Variants in DNAH11 observed in about 807,000 individuals in gnomAD.
The protein encoded by DNAH11 is dynein axonemal heavy chain 11.
DNAH11 carries 442 observed loss-of-function variants against 526.0 expected under a neutral mutation model. The observed-to-expected ratio is 0.84, with a 90% CI of 0.78 to 0.91. The LOEUF is 0.91. Ranked by LOEUF, DNAH11 falls within the 40% of genes least tolerant of loss-of-function variation. The pLI is 0.00. For missense variants in DNAH11, 6,989 were observed against 5,448.7 expected, an observed-to-expected ratio of 1.28 and a Z score of -8.90; for synonymous variants, 2,461 against 1,935.9, an observed-to-expected ratio of 1.27 and a Z score of -7.12.
chr7:21,550,788 C>T (rs931621305), intron 2 of DNAH11, among the ~76,000 whole-genome samples: 2 of 152,098 alleles, frequency 1.3e-5, no homozygotes, highest in Non-Finnish European at 2.9e-5. Context: ...GACCACATTC[C>T]CAGTGGTGGC....
chr7:21,841,926 C>A (rs1782218745), intron 65 of DNAH11, among the ~76,000 whole-genome samples: 1 of 152,172 alleles, frequency 6.6e-6, no homozygotes, highest in African/African-American at 2.4e-5. Context: ...ACATTTATTT[C>A]TCAATTTAAC....
At chr7:21,756,139 T>C (rs544990262) in intron 54 of DNAH11, among the ~76,000 whole-genome samples, 21 of 152,198 alleles carry the variant, frequency 1.4e-4, no homozygotes, top group African/African-American at 4.6e-4. Context: ...ACTCCATGGT[T>C]ATAAAAACTA....
chr7:21,652,569 A>G (rs574618473), intron 28 of DNAH11, among the ~76,000 whole-genome samples: 1 of 150,938 alleles, frequency 6.6e-6, no homozygotes, highest in Non-Finnish European at 1.5e-5. Context: ...CTGTATGTTT[A>G]TAACCAACAG....
chr7:21,816,323 T>C (rs1583729089), intron 63 of DNAH11, 144 bp from the exon 64 acceptor site: 2 of 651,014 alleles, frequency 3.1e-6, no homozygotes, highest in Non-Finnish European at 5.4e-6. Flanking sequence ...TAATGATGAG[T>C]TGTGTTTGGC....
intron 3 of DNAH11, 79 bp from the exon 4 acceptor site, chr7:21,559,524 C>T (rs1783363508): frequency 8.7e-7 from 1 of 1,144,396 alleles, no homozygotes; most frequent in South Asian, 1.6e-5. Flanking sequence ...TTTATGGATG[C>T]CTAAAATAAC....
At chr7:21,898,838 T>C (rs1285175592) in intron 79 of DNAH11, among the ~76,000 whole-genome samples, 2 of 152,218 alleles carry the variant, frequency 1.3e-5, no homozygotes, top group Non-Finnish European at 2.9e-5. Flanking sequence ...AGGCAGCTAC[T>C]GCACGTGCTT....
At chr7:21,640,403 C>T (rs963861950) in intron 28 of DNAH11, among the ~76,000 whole-genome samples, 8 of 152,062 alleles carry the variant, frequency 5.3e-5, no homozygotes, top group African/African-American at 1.5e-4. Context: ...CACAAAAGTA[C>T]GTGTTTCTGA....
chr7:21,807,202 A>G (rs1441950585), intron 62 of DNAH11, among the ~76,000 whole-genome samples: 1 of 152,218 alleles, frequency 6.6e-6, no homozygotes, highest in East Asian at 1.9e-4. Context: ...GCTGACATTA[A>G]AAATCCTGAC....
chr7:21,773,819 A>G lies in DNAH11; in HGVS notation c.9156A>G (p.Val3052=). 1 of 1,608,608 alleles carries G rather than the reference A, an allele frequency of 6.2e-7. No homozygotes were observed. Among genetic ancestry groups the G allele is most frequent in the Non-Finnish European group, 8.5e-7 (1 of 1,177,592 alleles). The change falls in exon 56 of 82, where the codon GTA becomes GTG. Residue 3052 remains valine (V), a synonymous_variant. Coordinates refer to ENST00000409508, the MANE Select transcript of DNAH11 (RefSeq NM_001277115.2). ...SLFMAHVHTT[V]NEMSTRYYQN... ...TCATGGCACATGTTCACACCACTGT[A>G]AATGAAATGAGTACCAGATATTACC...
chr7:21,584,647 A>G (rs1466726853), intron 9 of DNAH11, among the ~76,000 whole-genome samples: 1 of 152,210 alleles, frequency 6.6e-6, no homozygotes, highest in African/African-American at 2.4e-5. Flanking sequence ...GGTGCCAGCC[A>G]TCAGCCGAAA....
rs779893005 is a variant in DNAH11, at chr7:21,892,644, C to G, written c.12727C>G (p.Leu4243Val). 10 of 1,608,594 alleles carry G rather than the reference C, an allele frequency of 6.2e-6. No individual in the cohort carries two copies. In the East Asian group the frequency reaches 1.8e-4, roughly 29 times the overall value. Reference protein sequence around the residue: ...QPRNALSGDELGQSTEEKVKN... With the variant: ...QPRNALSGDEVGQSTEEKVKN... ...CAGGAATGCACTCAGTGGTGATGAA[C>G]TGGGGCAGTCTACAGAAGAAAAGGT... The change falls in exon 77 of 82, where the codon CTG (leucine) becomes GTG (valine). Residue 4243 changes from leucine (L) to valine (V), a missense_variant. Transcript: ENST00000409508.
chr7:21,802,741 T>C (rs1224044137), intron 62 of DNAH11, among the ~76,000 whole-genome samples: 1 of 151,856 alleles, frequency 6.6e-6, no homozygotes, highest in Non-Finnish European at 1.5e-5. Context: ...TGTGATATCA[T>C]GTGATACACA....
chr7:21,885,640 A>G (rs990544529), intron 76 of DNAH11, among the ~76,000 whole-genome samples: 9 of 152,148 alleles, frequency 5.9e-5, no homozygotes, highest in Non-Finnish European at 1.0e-4. Flanking sequence ...GAAATGAGAA[A>G]TATTTAAGAT....
intron 30 of DNAH11, among the ~76,000 whole-genome samples, chr7:21,661,026 G>C (rs1782222099): frequency 6.6e-6 from 1 of 151,994 alleles, no homozygotes; most frequent in Non-Finnish European, 1.5e-5. Flanking sequence ...ACTGCTCTAG[G>C]TTCTGTGATT....
At chr7:21,602,508 G>T (rs950475736) in intron 18 of DNAH11, among the ~76,000 whole-genome samples, 1 of 151,666 alleles carries the variant, frequency 6.6e-6, no homozygotes, top group Admixed American at 6.6e-5. Context: ...ATGAACCACA[G>T]TCTCACAATT....
At chr7:21,610,652 A>G (rs1012542616) in intron 20 of DNAH11, among the ~76,000 whole-genome samples, 12 of 152,204 alleles carry the variant, frequency 7.9e-5, no homozygotes, top group African/African-American at 2.9e-4. Context: ...ACTATCAACC[A>G]TGATCAGTTG....
At chr7:21,762,965 G>A (rs939117208) in intron 54 of DNAH11, among the ~76,000 whole-genome samples, 19 of 152,174 alleles carry the variant, frequency 1.2e-4, no homozygotes, top group African/African-American at 4.6e-4. Flanking sequence ...TTTGCCAGCT[G>A]TGTATTTGAT....
chr7:21,576,928 A>G (rs1784118723), intron 8 of DNAH11, among the ~76,000 whole-genome samples: 1 of 152,200 alleles, frequency 6.6e-6, no homozygotes, highest in African/African-American at 2.4e-5. Context: ...CTGAAATAAA[A>G]TAACAGTATC....
At chr7:21,572,633 A>G (rs760875447) in intron 8 of DNAH11, among the ~76,000 whole-genome samples, 45 of 152,214 alleles carry the variant, frequency 3.0e-4, no homozygotes, top group Admixed American at 1.6e-3. Flanking sequence ...TCTTGTTCTT[A>G]TTATTGTATA....
Sources: gnomAD v4.1 joint callset for allele counts (sites outside exome capture counted in the v4.1 genomes callset) on GRCh38, gnomAD v4.1.1 for gene constraint, MANE v1.5 for transcripts, NCBI Gene and HGNC (gene_info 2026-07-23, HGNC 2026-07-21) for gene names.